DZIP1: variants seen among roughly 807,000 people sequenced by gnomAD.
DZIP1 encodes the protein DAZ interacting zinc finger protein 1, also known as cilium assembly protein DZIP1.
DZIP1 carries 97 observed loss-of-function variants against 107.6 expected under a neutral mutation model. The ratio of observed to expected loss-of-function variants is 0.90; its 90% CI spans 0.77 to 1.07. The LOEUF (loss-of-function observed/expected upper bound fraction) is 1.07. Among genes scored for constraint, DZIP1 ranks in the 50% least tolerant of loss-of-function variants. The probability of loss-of-function intolerance (pLI) is 0.00; values close to 1 mark genes in which losing one functional copy is unlikely to be tolerated. For synonymous variants in DZIP1, 390 were observed against 386.4 expected (o/e 1.01, Z -0.11); for missense variants, 1,035 against 1,063.6 (o/e 0.97, Z 0.37).
At chr13:95,590,069 G>T in intron 17 of DZIP1, 137 bp from the exon 18 acceptor site, 2 of 1,257,714 alleles carry the variant, frequency 1.6e-6, no homozygotes, top group Non-Finnish European at 2.2e-6. Context: ...CCAGACTCTA[G>T]GGTTGTTGTT....
Position 95,618,396 on chromosome 13 carries a change from G to A in DZIP1, c.1173+1489C>T, listed in dbSNP as rs1446173869. ...GTATATCTATAGATATGTGTATTGG[G>A]TGTATGTCTGTGTATTATCACTATA... On this transcript the variant is annotated intron_variant, in intron 10 of 22. Coordinates refer to ENST00000376829, the MANE Select transcript of DZIP1 (RefSeq NM_198968.4). Among the ~76,000 whole-genome samples the A allele has an allele frequency of 2.6e-5, 4 of 152,106 alleles. No homozygotes were observed. The East Asian group carries it at 7.7e-4, about 29-fold the overall frequency.
At chr13:95,583,255 C>T (rs1425102417) in intron 22 of DZIP1, among the ~76,000 whole-genome samples, 1 of 127,030 alleles carries the variant, frequency 7.9e-6, no homozygotes, top group Non-Finnish European at 1.7e-5. Flanking sequence ...GGTGAGACCC[C>T]ATCTCTTAAA....
chr13:95,641,990 T>TTA lies in DZIP1; in HGVS notation c.36+2_36+3dup, dbSNP rs1270321743. 1 of 1,579,558 alleles carries TTA rather than the reference T, an allele frequency of 6.3e-7. No homozygotes were observed. The highest frequency in any genetic ancestry group is 8.6e-7 in the Non-Finnish European group (1 of 1,168,002). ...CGGGGGCGCCCCGGCCTCCCGCCTC[T>TTA]TACCATGCTTGAAAACCAATCCGCT... On this transcript the variant is annotated splice_donor_region_variant and intron_variant, in intron 4 of 22. Coordinates refer to ENST00000376829, the MANE Select transcript of DZIP1 (RefSeq NM_198968.4). The surrounding 1 kb of genome is among the most constrained non-coding windows in gnomAD (Gnocchi z 4.3).
chr13:95,615,520 A>C (rs1874941464), intron 10 of DZIP1, among the ~76,000 whole-genome samples: 1 of 152,224 alleles, frequency 6.6e-6, no homozygotes, highest in Non-Finnish European at 1.5e-5. Context: ...TTCCAGACTT[A>C]TCTACTAAAT....
chr13:95,622,574 T>C, intron 8 of DZIP1, 94 bp from the exon 9 acceptor site: 2 of 1,457,316 alleles, frequency 1.4e-6, no homozygotes, highest in Non-Finnish European at 1.9e-6. Context: ...GTGTTTTAAA[T>C]CTGACTGCCC....
chr13:95,637,875 G>A (rs1474286844), intron 5 of DZIP1, among the ~76,000 whole-genome samples: 1 of 152,008 alleles, frequency 6.6e-6, no homozygotes, highest in Non-Finnish European at 1.5e-5. Flanking sequence ...ATCATTTATA[G>A]AAAATTTTCA....
Position 95,584,720 on chromosome 13 carries a change from G to C in DZIP1, c.2524+16C>G. 6.2e-7 allele frequency: 1 copy of C among 1,604,872 alleles called. No homozygotes were observed. The highest frequency in any genetic ancestry group is 8.5e-7 in the Non-Finnish European group (1 of 1,175,834). ...GAAAATGGATCGAGCTTGTATTAGA[G>C]GGGAAAGCAGCAAACCTTCTCCCTT... On this transcript the variant is annotated intron_variant, in intron 22 of 22. Transcript: ENST00000376829.
intron 5 of DZIP1, among the ~76,000 whole-genome samples, chr13:95,633,778 A>G (rs891285801): frequency 6.6e-6 from 1 of 151,900 alleles, no homozygotes; most frequent in African/African-American, 2.4e-5. Flanking sequence ...TACTGAAAGC[A>G]TGACTAATAG....
At chr13:95,618,012 G>A (rs374437535) in intron 10 of DZIP1, 19 of 518,904 alleles carry the variant, frequency 3.7e-5, no homozygotes, top group South Asian at 7.0e-5. Context: ...TAGGCATGTC[G>A]CACTTGAGAA....
intron 7 of DZIP1, 37 bp downstream of exon 7, chr13:95,629,951 TA>T: frequency 6.4e-7 from 1 of 1,563,600 alleles, no homozygotes; most frequent in South Asian, 1.2e-5. Context: ...TACATACAGT[TA>T]ATTGTAATTA....
At chr13:95,642,866 A>C (rs545851570) in intron 3 of DZIP1, among the ~76,000 whole-genome samples, 177 bp downstream of exon 3, 1 of 152,310 alleles carries the variant, frequency 6.6e-6, no homozygotes, top group Non-Finnish European at 1.5e-5. Flanking sequence ...TTTGTAGGTT[A>C]GCAGCCTAAA....
chr13:95,598,417 G>A (rs953102006), intron 15 of DZIP1, among the ~76,000 whole-genome samples: 1 of 152,092 alleles, frequency 6.6e-6, no homozygotes, highest in Non-Finnish European at 1.5e-5. Flanking sequence ...ACTTGAAAGT[G>A]TATATCATAT....
intron 12 of DZIP1, among the ~76,000 whole-genome samples, chr13:95,610,984 G>A (rs2044984931): frequency 6.6e-6 from 1 of 152,144 alleles, no homozygotes; most frequent in African/African-American, 2.4e-5. Context: ...CCAGTCTGTG[G>A]TATGCTATTA....
chr13:95,622,254 A>G, intron 9 of DZIP1, 89 bp downstream of exon 9: 1 of 1,548,048 alleles, frequency 6.5e-7, no homozygotes, highest in Non-Finnish European at 8.8e-7. Flanking sequence ...AAAAAGACAA[A>G]CACTTTTTCT....
chr13:95,628,161 G>A (rs891549995), intron 7 of DZIP1, among the ~76,000 whole-genome samples: 1 of 151,852 alleles, frequency 6.6e-6, no homozygotes, highest in African/African-American at 2.4e-5. Flanking sequence ...TCCCTCCTCA[G>A]CCTCCTGAGT....
chr13:95,591,279 G>A (rs991808731), intron 16 of DZIP1, among the ~76,000 whole-genome samples: 2 of 151,938 alleles, frequency 1.3e-5, no homozygotes, highest in Non-Finnish European at 2.9e-5. Flanking sequence ...CACCTGCCTT[G>A]GCCTCCCAAA....
intron 15 of DZIP1, among the ~76,000 whole-genome samples, chr13:95,598,917 T>C (rs1210903507): frequency 2.0e-5 from 3 of 152,160 alleles, no homozygotes; most frequent in Non-Finnish European, 4.4e-5. Context: ...CATCCAGAAC[T>C]TAGACATGAT....
At chr13:95,598,256 A>G (rs188171245) in intron 15 of DZIP1, among the ~76,000 whole-genome samples, 3 of 152,332 alleles carry the variant, frequency 2.0e-5, no homozygotes, top group Admixed American at 2.0e-4. Flanking sequence ...AACATGAACA[A>G]CTATTGGGAC....
In DZIP1 at chr13:95,605,496, A is replaced by T. The variant is rs554563497; in HGVS notation, c.1477+507T>A. Among the ~76,000 whole-genome samples the T allele has an allele frequency of 5.9e-5, 9 of 152,236 alleles. No homozygotes were observed. In the South Asian group the frequency reaches 6.2e-4, roughly 10 times the overall value. On this transcript the variant is annotated intron_variant, in intron 14 of 22. Transcript: ENST00000376829. ...TCTGGTCCAAGAACTGAACCCTGGT[A>T]ATGATTTCACCCAGTGGTTCCTACC...
Sources: allele counts gnomAD v4.1 joint callset (sites outside exome capture counted in the v4.1 genomes callset), GRCh38; gene constraint gnomAD v4.1.1; non-coding constraint Gnocchi (gnomAD v3.1); transcripts MANE v1.5; gene names NCBI Gene and HGNC (gene_info 2026-07-23, HGNC 2026-07-21).